The following INPP4B variants were observed in gnomAD, a reference collection of about 807,000 sequenced individuals.
The protein encoded by INPP4B is inositol polyphosphate-4-phosphatase type II B, also known as inositol polyphosphate 4-phosphatase type II.
In INPP4B, 55 loss-of-function variants were observed where a neutral mutation model predicts 122.5. The observed-to-expected ratio is 0.45, with a 90% confidence interval of 0.36 to 0.56. The LOEUF is 0.56. Ranked by LOEUF, INPP4B falls within the 20% of genes least tolerant of loss-of-function variation. INPP4B has a pLI of 0.00. For missense variants in INPP4B, 1,000 were observed against 1,097.7 expected (o/e 0.91, Z 1.26); for synonymous variants, 403 against 388.7 (o/e 1.04, Z -0.43).
At chr4:142,557,333 G>A (rs1398078804) in intron 2 of INPP4B, among the ~76,000 whole-genome samples, 1 of 152,156 alleles carries the variant, frequency 6.6e-6, no homozygotes, top group Non-Finnish European at 1.5e-5. Flanking sequence ...AGCTCCTTTA[G>A]TTCCCAGAAA....
At chr4:142,840,359 A>C (rs2151208724) in intron 1 of INPP4B, among the ~76,000 whole-genome samples, 1 of 152,314 alleles carries the variant, frequency 6.6e-6, no homozygotes, top group Admixed American at 6.5e-5. Context: ...AAAAATGCAA[A>C]TGGTTAATAC....
chr4:142,587,606 G>A (rs900983222), intron 2 of INPP4B, among the ~76,000 whole-genome samples: 1 of 152,064 alleles, frequency 6.6e-6, no homozygotes, highest in African/African-American at 2.4e-5. Context: ...TTTGATACAT[G>A]CATGCAATGC....
At chr4:142,727,118 T>C (rs921728948) in intron 1 of INPP4B, among the ~76,000 whole-genome samples, 3 of 152,158 alleles carry the variant, frequency 2.0e-5, no homozygotes, top group African/African-American at 7.2e-5. Flanking sequence ...TTAGACTCTG[T>C]GATGATGAAG....
intron 7 of INPP4B, among the ~76,000 whole-genome samples, chr4:142,354,367 G>C (rs73850859): frequency 6.6e-6 from 1 of 151,852 alleles, no homozygotes; most frequent in Non-Finnish European, 1.5e-5. Context: ...GGATGAGTAC[G>C]GCTCATTTAT....
chr4:142,136,860 A>C (rs1561250467), intron 18 of INPP4B, among the ~76,000 whole-genome samples: 1 of 152,204 alleles, frequency 6.6e-6, no homozygotes, highest in African/African-American at 2.4e-5. Flanking sequence ...TCTATATACA[A>C]AACCGCTGTT....
intron 1 of INPP4B, among the ~76,000 whole-genome samples, chr4:142,737,568 T>G (rs1767151665): frequency 6.6e-6 from 1 of 152,146 alleles, no homozygotes; most frequent in Admixed American, 6.5e-5. Flanking sequence ...ACTTCATGTC[T>G]AAAACACCAA....
In INPP4B at chr4:142,677,990, A is replaced by T. The variant is rs141926539; in HGVS notation, c.-191+47849T>A. Reference sequence around the variant, plus strand: ...TGTATCCCAGAACTTAAAGTACAATAAAAAAAAGCTTTTAAAAGAAGAAAA... The same window carrying T: ...TGTATCCCAGAACTTAAAGTACAATTAAAAAAAGCTTTTAAAAGAAGAAAA... On this transcript the variant is annotated intron_variant, in intron 2 of 25. Coordinates refer to ENST00000262992, the MANE Select transcript of INPP4B (RefSeq NM_001101669.3). Among the ~76,000 whole-genome samples, 1,428 of 151,854 alleles carry T rather than the reference A, an allele frequency of 9.4e-3. 21 individuals carry two copies. Among genetic ancestry groups the T allele is most frequent in the African/African-American group, 0.032 (1,345 of 41,422 alleles).
intron 12 of INPP4B, among the ~76,000 whole-genome samples, chr4:142,224,241 C>A (rs1211471512): frequency 6.6e-6 from 1 of 152,096 alleles, no homozygotes; most frequent in Non-Finnish European, 1.5e-5. Context: ...AATGTCAAAT[C>A]ATGCTAAATG....
At chr4:142,616,793 G>A (rs182720537) in intron 2 of INPP4B, among the ~76,000 whole-genome samples, 4 of 152,182 alleles carry the variant, frequency 2.6e-5, no homozygotes, top group Non-Finnish European at 5.9e-5. Flanking sequence ...ACAGCAACAT[G>A]GATAAAACTG....
chr4:142,638,448 C>T lies in INPP4B; in HGVS notation c.-191+87391G>A, dbSNP rs924762052. Reference sequence around the variant, plus strand: ...ATTTGTTGAAAAGATCATCTTTGATCCATTGTATTGCCTTTGTTCCTTGTC... The same window carrying T: ...ATTTGTTGAAAAGATCATCTTTGATTCATTGTATTGCCTTTGTTCCTTGTC... On this transcript the variant is annotated intron_variant, in intron 2 of 25. Transcript: ENST00000262992. Among the ~76,000 whole-genome samples the T allele has an allele frequency of 3.3e-5, 5 of 151,914 alleles. No individual in the cohort carries two copies. In the South Asian group the frequency reaches 1.0e-3, roughly 31 times the overall value.
chr4:142,208,992 GAGAA>G lies in INPP4B; in HGVS notation c.867_870del (p.Ser290HisfsTer18). The stretch of plus-strand genomic sequence containing the variant: ...TTTTTTCGCAGATTGTCCCAATGTG[GAGAA>G]AGCTCACCAAGTTCTTTTATCTCCT... On this transcript the variant is annotated frameshift_variant, in exon 13 of 26. Coordinates refer to ENST00000262992, the MANE Select transcript of INPP4B (RefSeq NM_001101669.3). LOFTEE classifies it high-confidence loss of function. 6.2e-7 allele frequency: 1 copy of G among 1,604,530 alleles called. No individual in the cohort carries two copies. Among genetic ancestry groups the G allele is most frequent in the Non-Finnish European group, 8.5e-7 (1 of 1,173,934 alleles).
In INPP4B at chr4:142,112,812, T is replaced by C. The variant is rs918374781; in HGVS notation, c.2136-130A>G. The C allele has an allele frequency of 5.7e-6, 4 of 697,870 alleles. No homozygotes were observed. In the Admixed American group the frequency reaches 9.8e-5, roughly 17 times the overall value. The allele number at this position is 697,870 out of a possible 1,614,324, so 43.2% of individuals were successfully genotyped here. On this transcript the variant is annotated intron_variant, in intron 21 of 25. Transcript: ENST00000262992. ...TTAGGTTTCTGTTGCTATATGCTTATATTCCTCATTCATTCATCTCCTTAT... is the reference window on the plus strand; with the variant it reads ...TTAGGTTTCTGTTGCTATATGCTTACATTCCTCATTCATTCATCTCCTTAT...
intron 2 of INPP4B, among the ~76,000 whole-genome samples, chr4:142,724,621 T>C (rs1318000046): frequency 2.6e-5 from 4 of 152,162 alleles, no homozygotes; most frequent in Non-Finnish European, 5.9e-5. Flanking sequence ...TTTAAGAACA[T>C]TTTAATTTGA....
chr4:142,049,738 A>G (rs1753478044), intron 25 of INPP4B, among the ~76,000 whole-genome samples: 1 of 152,034 alleles, frequency 6.6e-6, no homozygotes, highest in South Asian at 2.1e-4. Flanking sequence ...AATAAAACTA[A>G]CCATATAATC....
chr4:142,520,919 T>A (rs1273493970), intron 2 of INPP4B, among the ~76,000 whole-genome samples: 1 of 151,986 alleles, frequency 6.6e-6, no homozygotes, highest in African/African-American at 2.4e-5. Flanking sequence ...GACCTTATGA[T>A]CTTTGTGTTC....
chr4:142,671,897 C>G (rs1392146024), intron 2 of INPP4B, among the ~76,000 whole-genome samples: 2 of 152,074 alleles, frequency 1.3e-5, no homozygotes, highest in Non-Finnish European at 2.9e-5. Flanking sequence ...AAAATATTGC[C>G]TCATGCTCCT....
At chr4:142,700,049 C>A (rs1192792703) in intron 2 of INPP4B, among the ~76,000 whole-genome samples, 1 of 152,120 alleles carries the variant, frequency 6.6e-6, no homozygotes, top group Non-Finnish European at 1.5e-5. Flanking sequence ...CTCTTTCTCT[C>A]TCTCCCTGTA....
intron 25 of INPP4B, among the ~76,000 whole-genome samples, chr4:142,052,943 C>T (rs113438250): frequency 8.6e-5 from 13 of 151,998 alleles, no homozygotes; most frequent in African/African-American, 2.9e-4. Context: ...GATAAAGTTC[C>T]AGCCTTCAGG....
intron 2 of INPP4B, among the ~76,000 whole-genome samples, chr4:142,654,902 C>CA (rs532890428): frequency 1.3e-3 from 197 of 152,246 alleles, no homozygotes; most frequent in African/African-American, 4.7e-3. Flanking sequence ...GTCCAATACA[C>CA]AGAGGATCAC....
Sources: gnomAD v4.1 joint callset for allele counts (sites outside exome capture counted in the v4.1 genomes callset) on GRCh38, gnomAD v4.1.1 for gene constraint, MANE v1.5 for transcripts, NCBI Gene and HGNC (gene_info 2026-07-23, HGNC 2026-07-21) for gene names.